Variants in SHISAL1 observed in about 807,000 individuals in gnomAD.
SHISAL1 encodes the protein shisa like 1.
In SHISAL1, 9 loss-of-function variants were observed where a neutral mutation model predicts 22.6. The observed-to-expected ratio is 0.40, with a 90% CI of 0.24 to 0.70. SHISAL1 has a LOEUF of 0.70. Among genes scored for constraint, SHISAL1 ranks in the 30% least tolerant of loss-of-function variants. SHISAL1 has a pLI of 0.39. For synonymous variants in SHISAL1, 119 were observed against 115.4 expected (o/e 1.03, Z -0.20); for missense variants, 246 against 270.6 (o/e 0.91, Z 0.64).
chr22:44,263,976 A>G (rs1257145252), intron 4 of SHISAL1, among the ~76,000 whole-genome samples: 1 of 152,226 alleles, frequency 6.6e-6, no homozygotes, highest in Non-Finnish European at 1.5e-5. Flanking sequence ...CTTCACCAAG[A>G]GACGTGGATG....
At chr22:44,306,636 CGT>C (rs376864297) in intron 1 of SHISAL1, among the ~76,000 whole-genome samples, 2 of 107,244 alleles carry the variant, frequency 1.9e-5, no homozygotes, top group African/African-American at 6.6e-5. Context: ...ATGACGATGG[CGT>C]GTGTGGAGGG....
chr22:44,331,307 C>T, the SHISAL1 span, among the ~76,000 whole-genome samples: 2 of 151,720 alleles, frequency 1.3e-5, no homozygotes, highest in East Asian at 3.9e-4. This position sits in a 1 kb window ranked among gnomAD's most constrained non-coding sequence, Gnocchi z 5.2. Context: ...TTACCCGCCT[C>T]TCCCAAAGCG....
At chr22:44,285,827 G>A in intron 3 of SHISAL1, 82 bp from the exon 4 acceptor site, 1 of 1,197,094 alleles carries the variant, frequency 8.4e-7, no homozygotes, top group Non-Finnish European at 1.2e-6. Flanking sequence ...GCTGATTAGA[G>A]AATGTGTCCT....
chr22:44,270,047 G>A (rs1380301215), intron 4 of SHISAL1, among the ~76,000 whole-genome samples: 1 of 152,168 alleles, frequency 6.6e-6, no homozygotes, highest in East Asian at 1.9e-4. Context: ...CACTGCCTCG[G>A]GCACAGTGAT....
intron 4 of SHISAL1, among the ~76,000 whole-genome samples, chr22:44,258,003 G>A (rs552724100): frequency 4.6e-5 from 7 of 152,312 alleles, no homozygotes; most frequent in Admixed American, 4.6e-4. Context: ...AGCTGGGCAT[G>A]GTGGCACACA....
intron 4 of SHISAL1, among the ~76,000 whole-genome samples, chr22:44,255,659 A>G (rs1278306192): frequency 6.6e-6 from 1 of 152,194 alleles, no homozygotes; most frequent in Non-Finnish European, 1.5e-5. Flanking sequence ...ATCTGCTCTC[A>G]ACACAGCAGC....
chr22:44,285,704 A>G lies in SHISAL1; in HGVS notation c.323T>C (p.Phe108Ser). Residue 108 changes from phenylalanine to serine, a missense_variant, in exon 4 of 5, where the codon TTC (phenylalanine) becomes TCC (serine). By Grantham distance (155) the Phe-to-Ser change is radical. This residue lies in a region of SHISAL1 where 110 missense variants were observed against 153.1 expected (regional missense o/e 0.72). Transcript: ENST00000381176. Reference sequence around the variant, plus strand: ...GTCCAGAACCAGCAGCATCAACACGAAAAATCCATAGATCCACACTCCCAA... The same window carrying G: ...GTCCAGAACCAGCAGCATCAACACGGAAAATCCATAGATCCACACTCCCAA... ...ALLGVWIYGF[F>S]VLMLLVLDLL... 6.2e-7 allele frequency: 1 copy of G among 1,613,792 alleles called. No individual in the cohort carries two copies. The highest frequency in any genetic ancestry group is 8.5e-7 in the Non-Finnish European group (1 of 1,179,804).
At chr22:44,330,801 C>T in the SHISAL1 span, among the ~76,000 whole-genome samples, 5 of 152,174 alleles carry the variant, frequency 3.3e-5, no homozygotes, top group African/African-American at 7.2e-5. Flanking sequence ...AGGCTGCCGC[C>T]GGGCCGGGCC....
the SHISAL1 span, among the ~76,000 whole-genome samples, chr22:44,320,918 C>A: frequency 1.3e-5 from 2 of 152,140 alleles, no homozygotes; most frequent in African/African-American, 4.8e-5. Context: ...TTCTTCCATA[C>A]GGAAAGTGCT....
chr22:44,267,956 T>C (rs1342060070), intron 4 of SHISAL1, among the ~76,000 whole-genome samples: 1 of 152,248 alleles, frequency 6.6e-6, no homozygotes, highest in African/African-American at 2.4e-5. Flanking sequence ...TCCGAAGGGC[T>C]GGGAGCCTCT....
Position 44,261,088 on chromosome 22 carries a change from TATATATATATAC to T in SHISAL1, c.*-11415_*-11404del, listed in dbSNP as rs2055120236. Among the ~76,000 whole-genome samples, 2 of 137,158 alleles carry T rather than the reference TATATATATATAC, an allele frequency of 1.5e-5. 1 individual carries two copies. The highest frequency in any genetic ancestry group is 5.6e-5 in the African/African-American group (2 of 35,474). The allele number at this position is 137,158 out of a possible 152,430, so 90.0% of individuals were successfully genotyped here. On this transcript the variant is annotated intron_variant, in intron 4 of 4. Transcript: ENST00000381176. ...TTTGCTTCATTACTTTATATATATA[TATATATATATAC>T]ACTATATGGATTCTCTTGCAGAAAA...
chr22:44,279,150 G>A (rs1282447749), intron 4 of SHISAL1, among the ~76,000 whole-genome samples: 1 of 152,172 alleles, frequency 6.6e-6, no homozygotes, highest in Non-Finnish European at 1.5e-5. Context: ...CAGCCTCCGG[G>A]GTTTTAGCCA....
chr22:44,309,478 C>T (rs1447763583), intron 1 of SHISAL1, among the ~76,000 whole-genome samples: 6 of 152,136 alleles, frequency 3.9e-5, no homozygotes, highest in Non-Finnish European at 7.4e-5. Context: ...GGGCAGAGCA[C>T]GGTGCCCAAT....
intron 4 of SHISAL1, among the ~76,000 whole-genome samples, chr22:44,275,741 T>C (rs982367533): frequency 1.3e-5 from 2 of 152,158 alleles, no homozygotes; most frequent in Middle Eastern, 3.2e-3. Context: ...AGCCTTGGTG[T>C]CTCCTTCATA....
chr22:44,300,206 G>C (rs898132936), intron 2 of SHISAL1, among the ~76,000 whole-genome samples: 52 of 152,052 alleles, frequency 3.4e-4, no homozygotes, highest in African/African-American at 1.2e-3. Context: ...CACACAGAGA[G>C]AGACAGAGAC....
At chr22:44,323,381 C>CCATCCACCCATT in the SHISAL1 span, among the ~76,000 whole-genome samples, 1 of 147,188 alleles carries the variant, frequency 6.8e-6, no homozygotes, top group South Asian at 2.2e-4. Context: ...ATCCATCCAT[C>CCATCCACCCATT]CATCCATCCA....
Position 44,296,712 on chromosome 22 carries a change from G to A in SHISAL1, c.241C>T (p.Gln81Ter), listed in dbSNP as rs1234872655. ...TCGGAGCTGGCCGTGAGGTTCGCCT[G>A]CATCACCGCCTGGAACTCCGTCTCG... ...CNETEFQAVMQANLTASSEGY... is the reference protein window; with the variant it reads ...CNETEFQAVM Residue 81 changes from glutamine (Q) to a stop codon, truncating the protein, a stop_gained, in exon 3 of 5, where the codon CAG becomes TAG. Coordinates refer to ENST00000381176, the MANE Select transcript of SHISAL1 (RefSeq NM_001099294.2). LOFTEE classifies it high-confidence loss of function. 1 of 1,614,060 alleles carries A rather than the reference G, an allele frequency of 6.2e-7. No homozygotes were observed. The highest frequency in any genetic ancestry group is 1.7e-5 in the Admixed American group (1 of 60,034).
the SHISAL1 span, among the ~76,000 whole-genome samples, chr22:44,327,629 G>A: frequency 3.3e-5 from 5 of 152,202 alleles, no homozygotes; most frequent in South Asian, 1.0e-3. Context: ...CTCCCTAGGG[G>A]GTTCATGCTT....
intron 4 of SHISAL1, among the ~76,000 whole-genome samples, chr22:44,266,542 G>GTGTA (rs1569211389): frequency 6.8e-6 from 1 of 147,620 alleles, no homozygotes; most frequent in Non-Finnish European, 1.5e-5. Flanking sequence ...GTGTGTGTGT[G>GTGTA]TGTGTGTGTG....
Sources: gnomAD v4.1 joint callset for allele counts (sites outside exome capture counted in the v4.1 genomes callset) on GRCh38, gnomAD v4.1.1 for gene constraint, gnomAD v4.1.1 regional missense constraint, Gnocchi (gnomAD v3.1) non-coding constraint, MANE v1.5 for transcripts, NCBI Gene and HGNC (gene_info 2026-07-23, HGNC 2026-07-21) for gene names.